BLM: variants seen among roughly 807,000 people sequenced by gnomAD.
BLM encodes the protein recQ-like DNA helicase BLM.
BLM carries 95 observed loss-of-function variants against 135.3 expected under a neutral mutation model. The observed-to-expected ratio is 0.70, with a 90% CI of 0.59 to 0.83. The LOEUF is 0.83. Ranked by LOEUF, BLM falls within the 40% of genes least tolerant of loss-of-function variation. The pLI is 0.00. For missense variants in BLM, 1,518 were observed against 1,663.9 expected (o/e 0.91, Z 1.53); for synonymous variants, 520 against 589.2 (o/e 0.88, Z 1.70).
At chr15:90,753,386 C>T (rs896321021) in intron 4 of BLM, among the ~76,000 whole-genome samples, 6 of 152,128 alleles carry the variant, frequency 3.9e-5, no homozygotes, top group Non-Finnish European at 8.8e-5. Context: ...ATTTTATATT[C>T]TACTTTATTT....
chr15:90,803,700 G>C lies in BLM; in HGVS notation c.3538G>C (p.Val1180Leu). The part of the protein sequence containing the change: ...YVMLGNKAQT[V>L]LNGNLKVDFM... ...GATGCTCGGAAATAAAGCCCAAACT[G>C]TACTAAATGGCAATTTAAAGGTATA... is the stretch of plus-strand genomic sequence containing the variant. Residue 1180 changes from valine to leucine, a missense_variant, in exon 18 of 22, where the codon GTA (valine) becomes CTA (leucine). Around this residue, in one of 5 missense-constraint regions of BLM, gnomAD observed 626 missense variants for 681.1 expected, o/e 0.92. Transcript: ENST00000355112. 1 of 1,613,988 alleles carries C rather than the reference G, an allele frequency of 6.2e-7. No homozygotes were observed. Among genetic ancestry groups the C allele is most frequent in the East Asian group, 2.2e-5 (1 of 44,860 alleles).
chr15:90,799,456 T>C (rs1596264380), intron 17 of BLM, among the ~76,000 whole-genome samples: 1 of 150,778 alleles, frequency 6.6e-6, no homozygotes. Context: ...ATATGGAAAA[T>C]AGAGAAAGCA....
intron 17 of BLM, among the ~76,000 whole-genome samples, chr15:90,799,653 T>TG (rs1897119641): frequency 8.2e-6 from 1 of 121,508 alleles, no homozygotes; most frequent in African/African-American, 3.3e-5. Flanking sequence ...AAAAAAAAAT[T>TG]AAGACATATG....
Position 90,728,480 on chromosome 15 carries a change from A to G in BLM, c.-5+11040A>G, listed in dbSNP as rs34780515. Among the ~76,000 whole-genome samples, 1,195 of 152,128 alleles carry G rather than the reference A, an allele frequency of 7.9e-3. 13 individuals carry two copies. The highest frequency in any genetic ancestry group is 0.043 in the East Asian group (220 of 5,166). ...GGCGTGATCTCAGCTCACCGCAACC[A>G]CCGCCTTCCAGGCTCAAGCAATATT... On this transcript the variant is annotated intron_variant, in intron 1 of 21. Transcript: ENST00000355112.
chr15:90,740,500 G>T (rs1370007837), intron 1 of BLM, among the ~76,000 whole-genome samples: 3 of 152,094 alleles, frequency 2.0e-5, no homozygotes, highest in Non-Finnish European at 4.4e-5. Flanking sequence ...CATTTGAGTG[G>T]TTTCTGAATT....
At chr15:90,731,429 T>C (rs1424595799) in intron 1 of BLM, among the ~76,000 whole-genome samples, 2 of 152,172 alleles carry the variant, frequency 1.3e-5, no homozygotes, top group African/African-American at 4.8e-5. Context: ...TATTTTGGAA[T>C]CGTTTATGTA....
chr15:90,786,867 C>T (rs1026388065), intron 14 of BLM, among the ~76,000 whole-genome samples: 2 of 151,888 alleles, frequency 1.3e-5, no homozygotes, highest in Non-Finnish European at 2.9e-5. Flanking sequence ...CCCACCTCAG[C>T]CCCCCAAAGT....
At chr15:90,790,924 C>T (rs1379394969) in intron 15 of BLM, 80 bp downstream of exon 15, 1 of 1,384,328 alleles carries the variant, frequency 7.2e-7, no homozygotes, top group East Asian at 2.3e-5. Flanking sequence ...TGTGGTACTT[C>T]TGGTCCAGTT....
intron 14 of BLM, chr15:90,790,311 C>A (rs186124540): frequency 4.4e-5 from 16 of 360,004 alleles, no homozygotes; most frequent in Non-Finnish European, 8.5e-5. Flanking sequence ...CAACACCCCC[C>A]ACACCTCAGT....
chr15:90,810,218 T>A (rs1897379485), intron 20 of BLM, among the ~76,000 whole-genome samples: 1 of 151,734 alleles, frequency 6.6e-6, no homozygotes, highest in Non-Finnish European at 1.5e-5. Context: ...ACACCTGACT[T>A]ATTTTTGTAT....
chr15:90,815,565 C>A lies in BLM; in HGVS notation c.*286C>A, dbSNP rs1252538976. 5 of 426,328 alleles carry A rather than the reference C, an allele frequency of 1.2e-5. No homozygotes were observed. The highest frequency in any genetic ancestry group is 4.0e-5 in the African/African-American group (2 of 49,612). The allele number at this position is 426,328 out of a possible 1,614,324, so 26.4% of individuals were successfully genotyped here. A position where few individuals can be genotyped will look rare whatever the true frequency, so the allele number is the denominator to read the frequency against. ...AGAGCTTCTGAGCATAACACGAAAC[C>A]CAGAAGCCAAAGGAAGAGCCACGCG... On this transcript the variant is annotated 3_prime_UTR_variant, in exon 22 of 22. Coordinates refer to ENST00000355112, the MANE Select transcript of BLM (RefSeq NM_000057.4). This position sits in a 1 kb window ranked among gnomAD's most constrained non-coding sequence, Gnocchi z 4.6.
chr15:90,773,152 G>A (rs1342942631), intron 12 of BLM, among the ~76,000 whole-genome samples: 1 of 145,912 alleles, frequency 6.9e-6, no homozygotes, highest in Non-Finnish European at 1.5e-5. Flanking sequence ...GAGCGCAGTG[G>A]CTCACAGCTG....
intron 21 of BLM, among the ~76,000 whole-genome samples, chr15:90,814,633 T>C (rs1291161739): frequency 6.6e-6 from 1 of 152,168 alleles, no homozygotes; most frequent in Middle Eastern, 3.2e-3. Context: ...CTCCACCCCA[T>C]GCATGCTCAC....
At chr15:90,793,071 G>A (rs989324780) in intron 15 of BLM, among the ~76,000 whole-genome samples, 1 of 149,802 alleles carries the variant, frequency 6.7e-6, no homozygotes, top group East Asian at 1.9e-4. Context: ...CCTGATAGCA[G>A]CAACTATTTG....
In BLM at chr15:90,763,050, T is replaced by TG. The variant is rs772785079; in HGVS notation, c.1968dup (p.Lys657GlufsTer5). 3.7e-6 allele frequency: 6 copies of TG among 1,613,940 alleles called. No individual in the cohort carries two copies. Among genetic ancestry groups the TG allele is most frequent in the Non-Finnish European group, 5.1e-6 (6 of 1,179,982 alleles). On this transcript the variant is annotated frameshift_variant, in exon 8 of 22. Transcript: ENST00000355112. LOFTEE classifies it high-confidence loss of function. ...AGTTTTCCTCATACAAAGGAAATGA[T>TG]GAAGATTTTTCATAAAAAATTTGGC...
chr15:90,786,177 G>T (rs535452797), intron 14 of BLM, among the ~76,000 whole-genome samples: 2 of 151,540 alleles, frequency 1.3e-5, no homozygotes, highest in Non-Finnish European at 2.9e-5. Context: ...TTGTATAGAC[G>T]AGGTCTCCCT....
At chr15:90,749,117 A>G (rs1279841560) in intron 2 of BLM, among the ~76,000 whole-genome samples, 1 of 152,150 alleles carries the variant, frequency 6.6e-6, no homozygotes, top group Non-Finnish European at 1.5e-5. Context: ...ACTAAGGACT[A>G]CTAGCCTGAG....
At chr15:90,747,546 C>T (rs533436234) in intron 2 of BLM, 56 bp downstream of exon 2, 23 of 1,058,952 alleles carry the variant, frequency 2.2e-5, no homozygotes, top group African/African-American at 4.7e-5. Context: ...ACATTGTACA[C>T]ATGAGATATC....
chr15:90,786,169 G>A (rs970875473), intron 14 of BLM, among the ~76,000 whole-genome samples: 3 of 151,468 alleles, frequency 2.0e-5, no homozygotes, highest in African/African-American at 7.3e-5. Flanking sequence ...TTTATTTTTT[G>A]TATAGACGAG....
Sources: gnomAD v4.1 joint callset for allele counts (sites outside exome capture counted in the v4.1 genomes callset) on GRCh38, gnomAD v4.1.1 for gene constraint, gnomAD v4.1.1 regional missense constraint, Gnocchi (gnomAD v3.1) non-coding constraint, MANE v1.5 for transcripts, NCBI Gene and HGNC (gene_info 2026-07-23, HGNC 2026-07-21) for gene names.